FEZ1: variants seen among roughly 807,000 people sequenced by gnomAD.
The protein encoded by FEZ1 is fasciculation and elongation protein zeta 1, also known as fasciculation and elongation protein zeta-1.
A neutral mutation model predicts 49.3 loss-of-function variants in FEZ1; 20 were observed. The observed-to-expected ratio is 0.41, with a 90% CI of 0.29 to 0.59. The LOEUF is 0.59. Ranked by LOEUF, FEZ1 falls within the 20% of genes least tolerant of loss-of-function variation. The pLI is 0.36. For missense variants in FEZ1, 413 were observed against 476.0 expected (o/e 0.87, Z 1.23); for synonymous variants, 170 against 180.9 (o/e 0.94, Z 0.48).
At chr11:125,456,279 G>A (rs1323547011) in intron 5 of FEZ1, 173 bp from the exon 6 acceptor site, 2 of 619,790 alleles carry the variant, frequency 3.2e-6, no homozygotes, top group Non-Finnish European at 2.7e-6. Context: ...CAGGAAGGCG[G>A]GGGCCTGTGT....
Position 125,443,198 on chromosome 11 carries a change from G to T in FEZ1, c.*2897C>A, listed in dbSNP as rs1222500606. 1.3e-5 allele frequency among the ~76,000 whole-genome samples: 2 copies of T among 152,170 alleles called. No individual in the cohort carries two copies. Among genetic ancestry groups the T allele is most frequent in the Non-Finnish European group, 2.9e-5 (2 of 68,030 alleles). ...GTGGCTCTCTGGCACACTTTGCGGA[G>T]TGCGGACATCCTAGACAGGACTTGA... On this transcript the variant is annotated 3_prime_UTR_variant, in exon 10 of 10. Transcript: ENST00000278919.
At chr11:125,490,450 TTAC>T (rs1278253597) in intron 1 of FEZ1, among the ~76,000 whole-genome samples, 1 of 152,248 alleles carries the variant, frequency 6.6e-6, no homozygotes, top group Non-Finnish European at 1.5e-5. Context: ...GTACACTCTA[TTAC>T]TACTTTCCAA....
intron 2 of FEZ1, among the ~76,000 whole-genome samples, chr11:125,488,070 C>T (rs1429998579): frequency 6.6e-6 from 1 of 152,196 alleles, no homozygotes; most frequent in Non-Finnish European, 1.5e-5. Flanking sequence ...ACAATGGATG[C>T]ATATTGTATC....
In FEZ1 at chr11:125,455,954, G is replaced by C; in HGVS notation, c.820C>G (p.Leu274Val). ...TTCTGCTTGTTCTGAACCTCAATAA[G>C]CACCGTGATAAAGGAGTTCTTCACT... Reference protein sequence around the residue: ...KEVKNSFITVLIEVQNKQKEQ... With the variant: ...KEVKNSFITVVIEVQNKQKEQ... The change falls in exon 6 of 10, where the codon CTT (leucine) becomes GTT (valine). Residue 274 changes from leucine (L) to valine (V), a missense_variant. Transcript: ENST00000278919. 1 of 1,613,188 alleles carries C rather than the reference G, an allele frequency of 6.2e-7. No homozygotes were observed. The highest frequency in any genetic ancestry group is 1.1e-5 in the South Asian group (1 of 91,002).
At chr11:125,463,339 A>C (rs923228746) in intron 4 of FEZ1, 145 bp downstream of exon 4, 1 of 578,244 alleles carries the variant, frequency 1.7e-6, no homozygotes, top group African/African-American at 1.9e-5. Flanking sequence ...AAAAAGAAAC[A>C]AAAAATACTC....
chr11:125,477,562 C>A (rs1223270283), intron 3 of FEZ1, among the ~76,000 whole-genome samples: 1 of 152,066 alleles, frequency 6.6e-6, no homozygotes, highest in Non-Finnish European at 1.5e-5. Flanking sequence ...AGCAAGCCTT[C>A]TATATGCAAA....
Position 125,489,235 on chromosome 11 carries a change from C to A in FEZ1, c.311+232G>T. On this transcript the variant is annotated intron_variant, in intron 2 of 9. Transcript: ENST00000278919. This position sits in a 1 kb window ranked among gnomAD's most constrained non-coding sequence, Gnocchi z 4.2. The stretch of plus-strand genomic sequence containing the variant: ...GTGCTCCTGAAATTCCATTTTGTAT[C>A]TAGGAAAACCTTCATTCCTCTAAGG... 8.5e-7 allele frequency: 1 copy of A among 1,178,134 alleles called. No homozygotes were observed. The highest frequency in any genetic ancestry group is 1.0e-6 in the Non-Finnish European group (1 of 954,822). 73.0% of individuals were successfully genotyped at this position (1,178,134 alleles called of 1,614,324 possible).
intron 3 of FEZ1, among the ~76,000 whole-genome samples, chr11:125,476,631 A>C (rs1957236265): frequency 6.6e-6 from 1 of 152,166 alleles, no homozygotes; most frequent in African/African-American, 2.4e-5. Flanking sequence ...AAGCTTCCAG[A>C]AAGAACCAAA....
intron 5 of FEZ1, among the ~76,000 whole-genome samples, chr11:125,457,419 A>T (rs1957021714): frequency 2.5e-5 from 1 of 40,790 alleles, no homozygotes; most frequent in African/African-American, 9.0e-5. Flanking sequence ...AAAAAAAAAA[A>T]AAAAAAAAAA....
intron 1 of FEZ1, among the ~76,000 whole-genome samples, chr11:125,491,575 G>T (rs189534550): frequency 1.7e-4 from 26 of 152,270 alleles, no homozygotes; most frequent in Middle Eastern, 3.4e-3. Context: ...GGTCTATAGG[G>T]TTATTGATAT....
chr11:125,452,306 G>A (rs766234927), intron 8 of FEZ1, 28 bp downstream of exon 8: 2 of 1,481,044 alleles, frequency 1.4e-6, no homozygotes, highest in East Asian at 4.5e-5. Context: ...AGGAGCCACT[G>A]ATCTGGCTGA....
chr11:125,481,673 G>C (rs1957280442), intron 2 of FEZ1, 40 bp from the exon 3 acceptor site: 1 of 1,334,380 alleles, frequency 7.5e-7, no homozygotes, highest in Non-Finnish European at 1.1e-6. Flanking sequence ...CACATCTGTG[G>C]CCTGGCCCCG....
chr11:125,450,282 G>A (rs961794993), intron 8 of FEZ1, among the ~76,000 whole-genome samples: 7 of 151,774 alleles, frequency 4.6e-5, no homozygotes, highest in Non-Finnish European at 8.8e-5. Context: ...CACCCGCCTC[G>A]GCCTCCCAAA....
chr11:125,451,956 A>G (rs930929699), intron 8 of FEZ1, among the ~76,000 whole-genome samples: 2 of 152,202 alleles, frequency 1.3e-5, no homozygotes, highest in South Asian at 2.1e-4. Flanking sequence ...AAGGGGCACA[A>G]GTGCCGACCA....
chr11:125,454,080 A>G, intron 7 of FEZ1, 50 bp downstream of exon 7: 1 of 1,386,100 alleles, frequency 7.2e-7, no homozygotes, highest in Non-Finnish European at 1.0e-6. Context: ...TGGGGAGGCC[A>G]AGCTGCAGGA....
intron 5 of FEZ1, among the ~76,000 whole-genome samples, chr11:125,458,843 C>T (rs1201930504): frequency 3.3e-5 from 5 of 151,868 alleles, no homozygotes; most frequent in African/African-American, 9.7e-5. Context: ...CCGAGGCAGT[C>T]GGATCACGAG....
intron 4 of FEZ1, among the ~76,000 whole-genome samples, chr11:125,461,588 T>C (rs1011048639): frequency 2.0e-5 from 3 of 152,064 alleles, no homozygotes; most frequent in Non-Finnish European, 4.4e-5. Context: ...GCCTGGGCAA[T>C]AGAGCCAGAT....
rs1205232569 is a variant in FEZ1 at position 125,489,788 on chromosome 11, CAGG to C, written c.-14_-12del. The C allele has an allele frequency of 2.0e-6, 3 of 1,523,448 alleles. No homozygotes were observed. Among genetic ancestry groups the C allele is most frequent in the African/African-American group, 2.8e-5 (2 of 71,766 alleles). 94.4% of individuals were successfully genotyped at this position (1,523,448 alleles called of 1,614,324 possible). ...CAGTGGGGCCTCCATTCTTGCTCAG[CAGG>C]AGAACAACAGCGACTTTCAGGATGA... On this transcript the variant is annotated 5_prime_UTR_variant, in exon 2 of 10. Coordinates refer to ENST00000278919, the MANE Select transcript of FEZ1 (RefSeq NM_005103.5). This position sits in a 1 kb window ranked among gnomAD's most constrained non-coding sequence, Gnocchi z 4.2.
intron 3 of FEZ1, among the ~76,000 whole-genome samples, chr11:125,473,473 A>C (rs1957200679): frequency 6.6e-6 from 1 of 152,166 alleles, no homozygotes; most frequent in South Asian, 2.1e-4. Context: ...GCAACCTGGG[A>C]ATCAAAAATT....
Sources: gnomAD v4.1 joint callset for allele counts (sites outside exome capture counted in the v4.1 genomes callset) on GRCh38, gnomAD v4.1.1 for gene constraint, Gnocchi (gnomAD v3.1) non-coding constraint, MANE v1.5 for transcripts, NCBI Gene and HGNC (gene_info 2026-07-23, HGNC 2026-07-21) for gene names.